The following PICALM variants were observed in gnomAD, a reference collection of about 807,000 sequenced individuals.
The protein encoded by PICALM is phosphatidylinositol binding clathrin assembly protein, also known as phosphatidylinositol-binding clathrin assembly protein.
In PICALM, 40 loss-of-function variants were observed where a neutral mutation model predicts 80.5. That is an observed-to-expected ratio of 0.50 (90% confidence interval 0.39 to 0.65). The LOEUF is 0.65. Ranked by LOEUF, PICALM falls within the 30% of genes least tolerant of loss-of-function variation. PICALM has a pLI of 0.00. For synonymous variants in PICALM, 288 were observed against 260.3 expected (o/e 1.11, Z -1.02); for missense variants, 676 against 778.9 (o/e 0.87, Z 1.57).
chr11:85,998,644 G>A (rs997940770), intron 11 of PICALM, among the ~76,000 whole-genome samples: 24 of 152,034 alleles, frequency 1.6e-4, no homozygotes, highest in Non-Finnish European at 2.2e-4. Context: ...TGGGCATTGC[G>A]GAGTGCGCCT....
At chr11:85,965,651 A>T (rs2093851063) in intron 19 of PICALM, among the ~76,000 whole-genome samples, 2 of 152,058 alleles carry the variant, frequency 1.3e-5, no homozygotes, top group South Asian at 4.2e-4. Flanking sequence ...TACTATATAC[A>T]TGTAGGGGTC....
chr11:85,972,295 C>T (rs2094136541), intron 19 of PICALM, among the ~76,000 whole-genome samples: 2 of 152,134 alleles, frequency 1.3e-5, no homozygotes, highest in Admixed American at 6.5e-5. Context: ...AGACTGTTCA[C>T]TGCTGACGAA....
At chr11:85,975,155 TAA>T (rs768714516) in intron 18 of PICALM, among the ~76,000 whole-genome samples, 1 of 152,208 alleles carries the variant, frequency 6.6e-6, no homozygotes, top group Non-Finnish European at 1.5e-5. Flanking sequence ...CAAGAAAACT[TAA>T]GACTCTGTCT....
At chr11:86,021,676 C>T (rs754859406) in intron 4 of PICALM, among the ~76,000 whole-genome samples, 4 of 152,090 alleles carry the variant, frequency 2.6e-5, no homozygotes, top group Non-Finnish European at 5.9e-5. Context: ...ACAGCAATTC[C>T]ACTTCTAGGT....
Position 85,990,295 on chromosome 11 carries a change from C to T in PICALM, c.1363G>A (p.Val455Ile), listed in dbSNP as rs1466660653. 1.9e-6 allele frequency: 3 copies of T among 1,606,800 alleles called. No individual in the cohort carries two copies. Among genetic ancestry groups the T allele is most frequent in the Middle Eastern group, 1.6e-4 (1 of 6,064 alleles). The change falls in exon 13 of 20, where the codon GTA (valine) becomes ATA (isoleucine). Residue 455 changes from valine to isoleucine, a missense_variant. Physicochemically the swap from Val to Ile is conservative, Grantham distance 29. Around this residue, in one of 2 missense-constraint regions of PICALM, gnomAD observed 391 missense variants for 383.6 expected, o/e 1.02. Transcript: ENST00000393346. ...GGTGTCCTAGTAGTAAAAGTAGATA[C>T]ATCTGAAGAAATGGAAAGGTGAACA... ...GDVHLSISSD[V>I]STFTTRTPTH... is the part of the protein sequence containing the mutation.
At chr11:86,065,398 G>A (rs1328070478) in intron 1 of PICALM, among the ~76,000 whole-genome samples, 2 of 151,240 alleles carry the variant, frequency 1.3e-5, no homozygotes, top group Non-Finnish European at 2.9e-5. Flanking sequence ...AGCCAAGATC[G>A]CACCACTGCA....
intron 1 of PICALM, among the ~76,000 whole-genome samples, chr11:86,059,870 TAA>T (rs58190208): frequency 7.2e-6 from 1 of 138,742 alleles, no homozygotes. Flanking sequence ...AGTTTTGACA[TAA>T]AAAAAAAAAA....
chr11:86,009,944 C>G (rs1022873495), intron 7 of PICALM, among the ~76,000 whole-genome samples: 1 of 152,146 alleles, frequency 6.6e-6, no homozygotes, highest in African/African-American at 2.4e-5. Flanking sequence ...AGACTAATAA[C>G]AAAGCTATTG....
intron 1 of PICALM, among the ~76,000 whole-genome samples, chr11:86,066,526 T>G (rs1051998069): frequency 6.6e-6 from 1 of 152,056 alleles, no homozygotes. Context: ...ACAAGAGAAA[T>G]AGCTAATAAC....
chr11:86,027,070 T>TC (rs527789881), intron 2 of PICALM, among the ~76,000 whole-genome samples: 110 of 152,360 alleles, frequency 7.2e-4, no homozygotes, highest in Non-Finnish European at 1.3e-3. Context: ...CTAAGAATTG[T>TC]CCCACTTAAC....
chr11:86,010,365 C>T (rs1457327508), intron 7 of PICALM, among the ~76,000 whole-genome samples: 1 of 149,338 alleles, frequency 6.7e-6, no homozygotes, highest in African/African-American at 2.5e-5. Flanking sequence ...CTTGCTCTGT[C>T]GCCCAGCCTG....
chr11:85,994,811 C>G (rs1565332729), intron 12 of PICALM, among the ~76,000 whole-genome samples: 1 of 152,172 alleles, frequency 6.6e-6, no homozygotes, highest in Non-Finnish European at 1.5e-5. Context: ...TCAAGTGATT[C>G]TCATGCCTCG....
intron 10 of PICALM, 79 bp downstream of exon 10, chr11:86,000,956 C>CT (rs2095126085): frequency 1.5e-5 from 24 of 1,559,212 alleles, no homozygotes; most frequent in East Asian, 2.2e-5. Context: ...ATTTAAGACT[C>CT]TAAGTCTGTG....
rs1022925822 is a variant in PICALM at position 86,010,270 on chromosome 11, T to C, written c.765+760A>G. On this transcript the variant is annotated intron_variant, in intron 7 of 19. Coordinates refer to ENST00000393346, the MANE Select transcript of PICALM (RefSeq NM_007166.4). The stretch of plus-strand genomic sequence containing the variant: ...TTAGATATCCTATTACCTACATTCA[T>C]AGTTTTCACAATCAATGATAATAAA... Among the ~76,000 whole-genome samples, 3 of 152,130 alleles carry C rather than the reference T, an allele frequency of 2.0e-5. No homozygotes were observed. In the South Asian group the frequency reaches 6.2e-4, roughly 32 times the overall value.
At chr11:86,060,879 T>G in intron 1 of PICALM, among the ~76,000 whole-genome samples, 1 of 152,152 alleles carries the variant, frequency 6.6e-6, no homozygotes, top group African/African-American at 2.4e-5. Flanking sequence ...CTTGAGTTTG[T>G]TGATGACTTT....
Position 85,959,064 on chromosome 11 carries a change from G to GAAA in PICALM, c.1945-7_1945-5dup. 6.5e-7 allele frequency: 1 copy of GAAA among 1,545,314 alleles called. No homozygotes were observed. The highest frequency in any genetic ancestry group is 8.8e-7 in the Non-Finnish European group (1 of 1,131,604). On this transcript the variant is annotated splice_region_variant and splice_polypyrimidine_tract_variant and intron_variant, in intron 19 of 19. Transcript: ENST00000393346. ...CATCAAGTTACATAAACTGTATCTG[G>GAAA]AAAAAAAAAGTGGGTATGTTAATTC... is the stretch of plus-strand genomic sequence containing the variant.
chr11:86,028,037 G>A (rs987993034), intron 2 of PICALM, among the ~76,000 whole-genome samples: 7 of 151,862 alleles, frequency 4.6e-5, no homozygotes, highest in Admixed American at 6.6e-5. Flanking sequence ...AAATAATTTC[G>A]TCTACCAGGC....
intron 1 of PICALM, among the ~76,000 whole-genome samples, chr11:86,053,325 C>T (rs774337700): frequency 6.6e-6 from 1 of 152,172 alleles, no homozygotes; most frequent in Admixed American, 6.5e-5. Flanking sequence ...ATAAGGCAAA[C>T]GTGGACACAA....
chr11:85,965,807 GT>G (rs142410273), intron 19 of PICALM, among the ~76,000 whole-genome samples: 2 of 79,256 alleles, frequency 2.5e-5, no homozygotes, highest in African/African-American at 5.8e-5. Context: ...TACCCATTTT[GT>G]TTTTTTGTTT....
Sources: gnomAD v4.1 joint callset for allele counts (sites outside exome capture counted in the v4.1 genomes callset) on GRCh38, gnomAD v4.1.1 for gene constraint, gnomAD v4.1.1 regional missense constraint, MANE v1.5 for transcripts, NCBI Gene and HGNC (gene_info 2026-07-23, HGNC 2026-07-21) for gene names.